NRN1: variants seen among roughly 807,000 people sequenced by gnomAD.
The protein encoded by NRN1 is neuritin.
In NRN1, 4 loss-of-function variants were observed where a neutral mutation model predicts 15.0. That is an observed-to-expected ratio of 0.27 (90% CI 0.13 to 0.61). The LOEUF is 0.61. Ranked by LOEUF, NRN1 falls within the 20% of genes least tolerant of loss-of-function variation. The pLI, the probability that NRN1 is intolerant of heterozygous loss-of-function variation, is 0.87. For missense variants in NRN1, 134 were observed against 181.9 expected, an observed-to-expected ratio of 0.74 and a Z score of 1.51; for synonymous variants, 85 against 79.8, an observed-to-expected ratio of 1.07 and a Z score of -0.35.
At chr6:6,006,902 GGAGCGAGGAAGAGACAGAAAGAGAGA>G (rs1209328549) in exon 1 of NRN1, 1 of 573,150 alleles carries the variant, frequency 1.7e-6, no homozygotes, top group Admixed American at 2.5e-5. Context: ...AGAAAGAGAG[GGAGCGAGGAAGAGACAGAAAGAGAGA>G]GAGAGAGAGA....
chr6:6,002,995 C>T (rs1029716435), intron 1 of NRN1: 1 of 410,366 alleles, frequency 2.4e-6, no homozygotes, highest in Non-Finnish European at 4.2e-6. Flanking sequence ...GACGACAGGG[C>T]GTGGGGTCAC....
Position 6,000,722 on chromosome 6 carries a change from C to CTTTTTTTTTTTTT in NRN1, c.201-1531_201-1519dup, listed in dbSNP as rs55712329. On this transcript the variant is annotated intron_variant, in intron 2 of 2. Transcript: ENST00000244766. ...CCTGCTAAAGGATGCCTAAATTGCT[C>CTTTTTTTTTTTTT]TTTTTTTTTTTTTTTTTTTTTTTTT... Among the ~76,000 whole-genome samples the CTTTTTTTTTTTTT allele has an allele frequency of 6.2e-4, 38 of 60,858 alleles. 5 individuals carry two copies. The highest frequency in any genetic ancestry group is 2.2e-3 in the African/African-American group (33 of 14,970). The allele number at this position is 60,858 out of a possible 152,430, so 39.9% of individuals were successfully genotyped here.
At chr6:6,002,580 C>A in intron 1 of NRN1, 83 bp from the exon 2 acceptor site, 4 of 1,534,626 alleles carry the variant, frequency 2.6e-6, no homozygotes, top group Non-Finnish European at 3.5e-6. Context: ...ACCCTGGCTC[C>A]GCGCGGCCTC....
intron 1 of NRN1, among the ~76,000 whole-genome samples, chr6:6,005,192 T>A (rs1034054640): frequency 1.3e-4 from 20 of 152,190 alleles, no homozygotes; most frequent in Admixed American, 1.3e-3. Context: ...GTCCCAAATC[T>A]TGTCCGATTA....
intron 2 of NRN1, among the ~76,000 whole-genome samples, chr6:6,000,208 G>A (rs892878811): frequency 6.6e-6 from 1 of 152,104 alleles, no homozygotes; most frequent in Admixed American, 6.6e-5. Flanking sequence ...CTCCTCTTGC[G>A]GTCAGTTCAC....
At chr6:6,000,249 C>T (rs1757906223) in intron 2 of NRN1, among the ~76,000 whole-genome samples, 1 of 152,224 alleles carries the variant, frequency 6.6e-6, no homozygotes, top group Admixed American at 6.5e-5. Flanking sequence ...ACCACTTCCT[C>T]CTCCCAGGCT....
intron 1 of NRN1, among the ~76,000 whole-genome samples, chr6:6,005,888 A>C (rs1244591042): frequency 6.6e-6 from 1 of 152,188 alleles, no homozygotes; most frequent in Non-Finnish European, 1.5e-5. Flanking sequence ...CTACAACTCA[A>C]CATTCCTTAA....
In NRN1 at chr6:6,001,651, C is replaced by T. The variant is rs182580315; in HGVS notation, c.200+702G>A. 2.1e-3 allele frequency among the ~76,000 whole-genome samples: 318 copies of T among 152,278 alleles called. 1 individual carries two copies. Among genetic ancestry groups the T allele is most frequent in the African/African-American group, 6.9e-3 (286 of 41,552 alleles). ...CAAGGAGAGTGCCTATTCCAAATCT[C>T]GGAATCTGCTGTAAACTCAAAGCGA... On this transcript the variant is annotated intron_variant, in intron 2 of 2. Coordinates refer to ENST00000244766, the MANE Select transcript of NRN1 (RefSeq NM_016588.3).
chr6:6,003,488 C>A (rs1469447356), intron 1 of NRN1, among the ~76,000 whole-genome samples: 1 of 152,240 alleles, frequency 6.6e-6, no homozygotes, highest in East Asian at 1.9e-4. Flanking sequence ...TCTCCAGGTG[C>A]CAGCCCTGCT....
chr6:6,002,433 G>A lies in NRN1; in HGVS notation c.120C>T (p.Asp40=). The part of the protein sequence containing the change: ...KCDAVFKGFS[D]CLLKLGDSMA... Reference sequence around the variant, plus strand: ...TGCTGTCGCCCAGCTTGAGCAAACAGTCCGAAAAGCCCTTGAAGACCGCAT... The same window carrying A: ...TGCTGTCGCCCAGCTTGAGCAAACAATCCGAAAAGCCCTTGAAGACCGCAT... Residue 40 remains aspartate (D), a synonymous_variant, in exon 2 of 3, where the codon GAC becomes GAT. Coordinates refer to ENST00000244766, the MANE Select transcript of NRN1 (RefSeq NM_016588.3). 1 of 1,614,238 alleles carries A rather than the reference G, an allele frequency of 6.2e-7. No individual in the cohort carries two copies. Among genetic ancestry groups the A allele is most frequent in the Non-Finnish European group, 8.5e-7 (1 of 1,180,034 alleles).
rs1158804147 is a variant in NRN1 at position 5,998,906 on chromosome 6, G to T, written c.*70C>A. The T allele has an allele frequency of 4.6e-6, 5 of 1,097,192 alleles. No individual in the cohort carries two copies. The highest frequency in any genetic ancestry group is 6.7e-6 in the Non-Finnish European group (5 of 742,978). 68.0% of individuals were successfully genotyped at this position (1,097,192 alleles called of 1,614,324 possible). A position where few individuals can be genotyped will look rare whatever the true frequency, so the allele number is the denominator to read the frequency against. On this transcript the variant is annotated 3_prime_UTR_variant, in exon 3 of 3. Coordinates refer to ENST00000244766, the MANE Select transcript of NRN1 (RefSeq NM_016588.3). ...TCACAACGTCCCCAAAGAACTAATG[G>T]ATCTTCCTCTCGATTTCCGGGAGCA...
At position 5,998,937 on chromosome 6, in the gene NRN1, TGAGTGTGGGTG is replaced by T; in HGVS notation, c.*28_*38del. On this transcript the variant is annotated 3_prime_UTR_variant, in exon 3 of 3. Transcript: ENST00000244766. ...CCTCTCGATTTCCGGGAGCATGGAGTGAGTGTGGGTGGGCGCGCGGGGGGAGCTGGCCCCAC... is the reference window on the plus strand; with the variant it reads ...CCTCTCGATTTCCGGGAGCATGGAGTGGCGCGCGGGGGGAGCTGGCCCCAC... The T allele has an allele frequency of 6.9e-7, 1 of 1,448,432 alleles. No homozygotes were observed. The highest frequency in any genetic ancestry group is 1.2e-5 in the South Asian group (1 of 85,540). The allele number at this position is 1,448,432 out of a possible 1,614,324, so 89.7% of individuals were successfully genotyped here. A position where few individuals can be genotyped will look rare whatever the true frequency, so the allele number is the denominator to read the frequency against.
At chr6:6,000,017 T>C (rs1222397715) in intron 2 of NRN1, among the ~76,000 whole-genome samples, 1 of 152,156 alleles carries the variant, frequency 6.6e-6, no homozygotes, top group African/African-American at 2.4e-5. Context: ...AATCCAAGTG[T>C]CCCAGGCCTG....
chr6:6,006,813 G>A lies in NRN1; in HGVS notation c.-64C>T, dbSNP rs1582995926. 4.6e-6 allele frequency: 7 copies of A among 1,533,994 alleles called. No individual in the cohort carries two copies. The highest frequency in any genetic ancestry group is 1.7e-5 in the Admixed American group (1 of 59,704). On this transcript the variant is annotated 5_prime_UTR_variant, in exon 1 of 3. Coordinates refer to ENST00000244766, the MANE Select transcript of NRN1 (RefSeq NM_016588.3). Reference sequence around the variant, plus strand: ...AAATAGTTAGTTTAGAGAACGCGGGGGAAAGCCAAAAAATAGGCATTGCCA... The same window carrying A: ...AAATAGTTAGTTTAGAGAACGCGGGAGAAAGCCAAAAAATAGGCATTGCCA...
chr6:6,004,930 C>A (rs1001229461), intron 1 of NRN1, among the ~76,000 whole-genome samples: 4 of 150,444 alleles, frequency 2.7e-5, no homozygotes, highest in African/African-American at 9.8e-5. Context: ...CCCCTCCCAA[C>A]CCCCACTTTT....
chr6:6,003,203 G>A (rs1403397136), intron 1 of NRN1: 7 of 1,234,340 alleles, frequency 5.7e-6, no homozygotes, highest in South Asian at 4.1e-5. Flanking sequence ...ACCCTCGGAT[G>A]CACCCTCTCC....
intron 1 of NRN1, among the ~76,000 whole-genome samples, chr6:6,005,427 A>G (rs986608351): frequency 2.0e-5 from 3 of 152,130 alleles, no homozygotes; most frequent in African/African-American, 7.2e-5. Flanking sequence ...GCACTCACAC[A>G]CTCTAAAATC....
In NRN1 at chr6:5,998,360, A is replaced by T. The variant is rs1409254746; in HGVS notation, c.*616T>A. 1 of 152,304 alleles carries T rather than the reference A, an allele frequency of 6.6e-6. No individual in the cohort carries two copies. The highest frequency in any genetic ancestry group is 2.4e-5 in the African/African-American group (1 of 41,426). 9.4% of individuals were successfully genotyped at this position (152,304 alleles called of 1,614,324 possible). On this transcript the variant is annotated 3_prime_UTR_variant, in exon 3 of 3. Coordinates refer to ENST00000244766, the MANE Select transcript of NRN1 (RefSeq NM_016588.3). Reference sequence around the variant, plus strand: ...GGAAGCCTTTACTCTTACCCCAGAGATTTCCTCAGCCCCTTCCCTCTCTCC... The same window carrying T: ...GGAAGCCTTTACTCTTACCCCAGAGTTTTCCTCAGCCCCTTCCCTCTCTCC...
At chr6:6,001,158 T>C (rs1204024354) in intron 2 of NRN1, among the ~76,000 whole-genome samples, 1 of 152,144 alleles carries the variant, frequency 6.6e-6, no homozygotes, top group East Asian at 1.9e-4. Context: ...GTTTAGGAAA[T>C]AGAGTAGCAA....
Sources: allele counts gnomAD v4.1 joint callset (sites outside exome capture counted in the v4.1 genomes callset), GRCh38; gene constraint gnomAD v4.1.1; transcripts MANE v1.5; gene names NCBI Gene and HGNC (gene_info 2026-07-23, HGNC 2026-07-21).